The following ABCC4 variants were observed in gnomAD, a reference collection of about 807,000 sequenced individuals.
The protein encoded by ABCC4 is ATP binding cassette subfamily C member 4 (PEL blood group).
In ABCC4, 102 loss-of-function variants were observed where a neutral mutation model predicts 168.5. The ratio of observed to expected loss-of-function variants is 0.61; its 90% confidence interval spans 0.52 to 0.71. ABCC4 has a LOEUF of 0.71. Among genes scored for constraint, ABCC4 ranks in the 30% least tolerant of loss-of-function variants. ABCC4 has a pLI of 0.00. For missense variants in ABCC4, 1,402 were observed against 1,605.8 expected, an observed-to-expected ratio of 0.87 and a Z score of 2.17; for synonymous variants, 617 against 590.7, an observed-to-expected ratio of 1.04 and a Z score of -0.65.
chr13:95,131,216 G>C (rs1422076531), intron 19 of ABCC4, among the ~76,000 whole-genome samples: 2 of 152,142 alleles, frequency 1.3e-5, no homozygotes, highest in Non-Finnish European at 2.9e-5. Context: ...GTTTGTGTTT[G>C]ATCTAATTTT....
chr13:95,278,159 C>T (rs1049505001), intron 1 of ABCC4, among the ~76,000 whole-genome samples: 1 of 152,252 alleles, frequency 6.6e-6, no homozygotes, highest in South Asian at 2.1e-4. Context: ...GGAGATGCTA[C>T]CAGGTTTTTA....
chr13:95,204,842 G>A (rs955785413), intron 8 of ABCC4, among the ~76,000 whole-genome samples: 1 of 152,080 alleles, frequency 6.6e-6, no homozygotes, highest in African/African-American at 2.4e-5. Flanking sequence ...TCAATTGTGA[G>A]GATAACATGA....
intron 19 of ABCC4, among the ~76,000 whole-genome samples, chr13:95,140,902 C>T (rs769003849): frequency 1.6e-4 from 25 of 152,338 alleles, no homozygotes; most frequent in Non-Finnish European, 3.5e-4. Flanking sequence ...CTTTTCATGC[C>T]TATTATGGGA....
chr13:95,073,156 T>A, intron 24 of ABCC4, 48 bp downstream of exon 24: 1 of 1,472,314 alleles, frequency 6.8e-7, no homozygotes, highest in South Asian at 1.2e-5. Flanking sequence ...TTATACCATT[T>A]AATGGCAAGG....
At chr13:95,033,831 T>G (rs1425363394) in intron 30 of ABCC4, among the ~76,000 whole-genome samples, 1 of 152,058 alleles carries the variant, frequency 6.6e-6, no homozygotes, top group Non-Finnish European at 1.5e-5. Flanking sequence ...CCAGCTAATT[T>G]TTGTATTTTT....
At chr13:95,152,795 T>C (rs998640531) in intron 19 of ABCC4, among the ~76,000 whole-genome samples, 30 of 152,262 alleles carry the variant, frequency 2.0e-4, no homozygotes, top group African/African-American at 7.0e-4. Flanking sequence ...TCAGTTCTCA[T>C]ATAAAACTCA....
chr13:95,260,082 G>A (rs35964200), intron 1 of ABCC4, among the ~76,000 whole-genome samples: 12,028 of 152,218 alleles, frequency 0.079, 647 homozygotes, highest in East Asian at 0.17. Context: ...CTCTGAGAGT[G>A]GGGCCCTGCA....
At chr13:95,151,502 G>A (rs949174975) in intron 19 of ABCC4, among the ~76,000 whole-genome samples, 2 of 146,802 alleles carry the variant, frequency 1.4e-5, no homozygotes, top group South Asian at 2.2e-4. Context: ...AGAAGAAGAA[G>A]AACAAAGAGG....
In ABCC4 at chr13:95,206,741, CT is replaced by C; in HGVS notation, c.951del (p.Met319Ter). ...CTGAAAAATGAAGCCAAATTCATCC[CT>C]CTGAGGCAGGAACTTCTCAGAATCT... The part of the protein sequence containing the change: ...ISKILRSSCL[R>X]GMNLASFFSA... On this transcript the variant is annotated frameshift_variant, in exon 8 of 31. Coordinates refer to ENST00000645237, the MANE Select transcript of ABCC4 (RefSeq NM_005845.5). LOFTEE classifies it high-confidence loss of function. 3 of 1,614,094 alleles carry C rather than the reference CT, an allele frequency of 1.9e-6. No individual in the cohort carries two copies. The highest frequency in any genetic ancestry group is 2.5e-6 in the Non-Finnish European group (3 of 1,179,982).
At chr13:95,136,499 T>C (rs2036149214) in intron 19 of ABCC4, among the ~76,000 whole-genome samples, 1 of 152,210 alleles carries the variant, frequency 6.6e-6, no homozygotes, top group Non-Finnish European at 1.5e-5. Flanking sequence ...TGGGTAACTT[T>C]GGTTTGGACT....
At chr13:95,176,791 C>T (rs1321618941) in intron 13 of ABCC4, among the ~76,000 whole-genome samples, 1 of 152,154 alleles carries the variant, frequency 6.6e-6, no homozygotes, top group Non-Finnish European at 1.5e-5. Flanking sequence ...CTGACTTTAA[C>T]AAGGCGAAAA....
intron 4 of ABCC4, among the ~76,000 whole-genome samples, chr13:95,227,849 A>G (rs1269622625): frequency 6.6e-6 from 1 of 152,138 alleles, no homozygotes; most frequent in African/African-American, 2.4e-5. Flanking sequence ...AGATGGGATC[A>G]CAGGCGTGCA....
intron 25 of ABCC4, among the ~76,000 whole-genome samples, chr13:95,068,451 C>T (rs1054214725): frequency 4.6e-5 from 7 of 152,048 alleles, no homozygotes; most frequent in Non-Finnish European, 1.0e-4. Flanking sequence ...ATGGTGAAAC[C>T]CCGGATCCAC....
chr13:95,174,141 T>G (rs1056260451), intron 13 of ABCC4, among the ~76,000 whole-genome samples: 2 of 152,198 alleles, frequency 1.3e-5, no homozygotes, highest in African/African-American at 4.8e-5. Context: ...CACAACCACA[T>G]CTATAGCAGG....
chr13:95,084,352 C>A (rs1032770539), intron 20 of ABCC4, among the ~76,000 whole-genome samples: 11 of 152,176 alleles, frequency 7.2e-5, no homozygotes, highest in Non-Finnish European at 1.2e-4. Context: ...CCCCAGCATA[C>A]GGCTAGCTTT....
At chr13:95,109,704 G>A (rs1432818232) in intron 20 of ABCC4, among the ~76,000 whole-genome samples, 1 of 152,138 alleles carries the variant, frequency 6.6e-6, no homozygotes, top group African/African-American at 2.4e-5. Flanking sequence ...AATTTGTCTC[G>A]TGCTGAGACC....
chr13:95,022,237 C>T (rs1480938116), intron 30 of ABCC4, among the ~76,000 whole-genome samples: 1 of 152,060 alleles, frequency 6.6e-6, no homozygotes, highest in African/African-American at 2.4e-5. Context: ...GATAGTGGCC[C>T]ACAATAATGA....
chr13:95,117,165 C>G, intron 19 of ABCC4, among the ~76,000 whole-genome samples: 1 of 151,962 alleles, frequency 6.6e-6, no homozygotes, highest in Non-Finnish European at 1.5e-5. Context: ...TTCAGTGACA[C>G]CTTTGGCAGG....
chr13:95,128,316 A>G (rs1224528899), intron 19 of ABCC4, among the ~76,000 whole-genome samples: 2 of 152,236 alleles, frequency 1.3e-5, no homozygotes, highest in African/African-American at 4.8e-5. Flanking sequence ...ACAATGATTC[A>G]TTAAACCTCC....
Sources: gnomAD v4.1 joint callset for allele counts (sites outside exome capture counted in the v4.1 genomes callset) on GRCh38, gnomAD v4.1.1 for gene constraint, MANE v1.5 for transcripts, NCBI Gene and HGNC (gene_info 2026-07-23, HGNC 2026-07-21) for gene names.